The following LIN7C variants were observed in gnomAD, a reference collection of about 807,000 sequenced individuals.
The protein encoded by LIN7C is lin-7 cell polarity scaffold C.
Under a neutral mutation model 24.7 loss-of-function variants are expected in LIN7C, and 17 were observed. The ratio of observed to expected loss-of-function variants is 0.69; its 90% CI spans 0.47 to 1.03. The LOEUF (loss-of-function observed/expected upper bound fraction) is 1.03. Ranked by LOEUF, LIN7C falls within the 50% of genes least tolerant of loss-of-function variation. The probability of loss-of-function intolerance (pLI) is 0.00; values close to 1 mark genes in which losing one functional copy is unlikely to be tolerated. For missense variants in LIN7C, 204 were observed against 239.0 expected, an observed-to-expected ratio of 0.85 and a Z score of 0.97; for synonymous variants, 90 against 83.4, an observed-to-expected ratio of 1.08 and a Z score of -0.43.
In LIN7C at chr11:27,498,802, A is replaced by G. The variant is rs375795384; in HGVS notation, c.441T>C (p.Ser147=). Residue 147 remains serine, a splice_region_variant and synonymous_variant, in exon 5 of 5, where the codon AGT becomes AGC. Transcript: ENST00000278193. ...CTTTTTCATGATGTTCTCCTTCAAC[A>G]CTCTAGGGGAAAAAAAAACAACCAA... ...GDQLLSVNGV[S]VEGEHHEKAV... is the part of the protein sequence containing the mutation. The G allele has an allele frequency of 1.1e-5, 18 of 1,608,252 alleles. No individual in the cohort carries two copies. Among genetic ancestry groups the G allele is most frequent in the Admixed American group, 1.7e-5 (1 of 58,724 alleles).
At position 27,501,709 on chromosome 11, in the gene LIN7C, A is replaced by G. The variant is rs549851108; in HGVS notation, c.156+93T>C. The stretch of plus-strand genomic sequence containing the variant: ...AGAGGGACTGGTTTTAATGTTTTCT[A>G]AAGTTTTTCTTAAGAAATGTTGAAC... On this transcript the variant is annotated intron_variant, in intron 2 of 4. Coordinates refer to ENST00000278193, the MANE Select transcript of LIN7C (RefSeq NM_018362.4). 9 of 957,426 alleles carry G rather than the reference A, an allele frequency of 9.4e-6. No homozygotes were observed. In the South Asian group the frequency reaches 9.8e-5, roughly 10 times the overall value. The allele number at this position is 957,426 out of a possible 1,614,324, so 59.3% of individuals were successfully genotyped here.
In LIN7C at chr11:27,496,152, T is replaced by C. The variant is rs1308905068; in HGVS notation, c.*2497A>G. On this transcript the variant is annotated 3_prime_UTR_variant, in exon 5 of 5. Transcript: ENST00000278193. ...TGTCCTTTAGAACCACCTGGAAAGC[T>C]TTACAAAAAAAAAAAAAAGGGTGAT... is the stretch of plus-strand genomic sequence containing the variant. The C allele has an allele frequency of 6.7e-6, 1 of 149,372 alleles. No individual in the cohort carries two copies. The highest frequency in any genetic ancestry group is 2.5e-5 in the African/African-American group (1 of 40,140). The allele number at this position is 149,372 out of a possible 1,614,324, so 9.3% of individuals were successfully genotyped here. A position where few individuals can be genotyped will look rare whatever the true frequency, so the allele number is the denominator to read the frequency against.
chr11:27,499,702 A>T (rs905109061), intron 3 of LIN7C, 134 bp from the exon 4 acceptor site: 97 of 726,536 alleles, frequency 1.3e-4, no homozygotes, highest in Non-Finnish European at 2.0e-4. Context: ...GGCTCACTGC[A>T]AGCTCCACCT....
chr11:27,500,535 A>G (rs1208420586), intron 3 of LIN7C, among the ~76,000 whole-genome samples: 1 of 152,132 alleles, frequency 6.6e-6, no homozygotes, highest in African/African-American at 2.4e-5. Flanking sequence ...ATCCAAACTA[A>G]TTATAAAGTT....
chr11:27,503,367 ATTC>A (rs1201258579), intron 1 of LIN7C, among the ~76,000 whole-genome samples: 23 of 152,172 alleles, frequency 1.5e-4, no homozygotes, highest in African/African-American at 5.5e-4. Flanking sequence ...AATGCCCAGT[ATTC>A]TATTATTGCT....
At chr11:27,505,865 A>AT (rs1467587403) in intron 1 of LIN7C, among the ~76,000 whole-genome samples, 1 of 152,194 alleles carries the variant, frequency 6.6e-6, no homozygotes, top group African/African-American at 2.4e-5. Context: ...CATGCTTGAA[A>AT]TTGTTTGAAA....
chr11:27,496,247 C>T lies in LIN7C; in HGVS notation c.*2402G>A, dbSNP rs1012708561. 2 of 151,576 alleles carry T rather than the reference C, an allele frequency of 1.3e-5. No individual in the cohort carries two copies. The highest frequency in any genetic ancestry group is 4.9e-5 in the African/African-American group (2 of 41,236). The allele number at this position is 151,576 out of a possible 1,614,324, so 9.4% of individuals were successfully genotyped here. ...AAAGCTCTGCCAGGCTAATATGTAGCTAAGATTGAGAATCACTAAGTCAAC... is the reference window on the plus strand; with the variant it reads ...AAAGCTCTGCCAGGCTAATATGTAGTTAAGATTGAGAATCACTAAGTCAAC... On this transcript the variant is annotated 3_prime_UTR_variant, in exon 5 of 5. Coordinates refer to ENST00000278193, the MANE Select transcript of LIN7C (RefSeq NM_018362.4).
Position 27,497,409 on chromosome 11 carries a change from A to T in LIN7C, c.*1240T>A, listed in dbSNP as rs1865183307. On this transcript the variant is annotated 3_prime_UTR_variant, in exon 5 of 5. Coordinates refer to ENST00000278193, the MANE Select transcript of LIN7C (RefSeq NM_018362.4). Reference sequence around the variant, plus strand: ...AACCCCAACTCTTTCAGTCTTTAAGACCTCAGTCACAGTCCCACACTAATA... The same window carrying T: ...AACCCCAACTCTTTCAGTCTTTAAGTCCTCAGTCACAGTCCCACACTAATA... The T allele has an allele frequency of 6.6e-6, 1 of 152,530 alleles. No individual in the cohort carries two copies. Among genetic ancestry groups the T allele is most frequent in the Non-Finnish European group, 1.5e-5 (1 of 67,942 alleles). The allele number at this position is 152,530 out of a possible 1,614,324, so 9.4% of individuals were successfully genotyped here.
rs904275463 is a variant in LIN7C, at chr11:27,498,416, A to G, written c.*233T>C. 2.6e-6 allele frequency: 1 copy of G among 378,352 alleles called. No homozygotes were observed. The highest frequency in any genetic ancestry group is 4.6e-6 in the Non-Finnish European group (1 of 215,306). The allele number at this position is 378,352 out of a possible 1,614,324, so 23.4% of individuals were successfully genotyped here. A position where few individuals can be genotyped will look rare whatever the true frequency, so the allele number is the denominator to read the frequency against. ...ATCTGCATTTGAAAAAGGCCTGTAAAAACAGTAGGACAGAATTGCCCTCAT... is the reference window on the plus strand; with the variant it reads ...ATCTGCATTTGAAAAAGGCCTGTAAGAACAGTAGGACAGAATTGCCCTCAT... On this transcript the variant is annotated 3_prime_UTR_variant, in exon 5 of 5. Transcript: ENST00000278193.
In LIN7C at chr11:27,494,824, TACTAGCAA is replaced by T. The variant is rs1373532682; in HGVS notation, c.*3817_*3824del. ...CCTGGAATAACCTTTGAAGAAACAC[TACTAGCAA>T]ACTTTAGACAACAATTATAAAACCA... On this transcript the variant is annotated 3_prime_UTR_variant, in exon 5 of 5. Coordinates refer to ENST00000278193, the MANE Select transcript of LIN7C (RefSeq NM_018362.4). 5.3e-5 allele frequency: 8 copies of T among 152,208 alleles called. No individual in the cohort carries two copies. Among genetic ancestry groups the T allele is most frequent in the Admixed American group, 6.6e-5 (1 of 15,266 alleles). The allele number at this position is 152,208 out of a possible 1,614,324, so 9.4% of individuals were successfully genotyped here.
chr11:27,500,932 C>T (rs527616358), intron 3 of LIN7C, among the ~76,000 whole-genome samples: 2 of 152,064 alleles, frequency 1.3e-5, no homozygotes, highest in Admixed American at 6.6e-5. Flanking sequence ...TTTAAGTCAC[C>T]GACTGCTGAT....
At chr11:27,503,941 C>T (rs1865248630) in intron 1 of LIN7C, among the ~76,000 whole-genome samples, 1 of 152,056 alleles carries the variant, frequency 6.6e-6, no homozygotes, top group African/African-American at 2.4e-5. Flanking sequence ...CCTCAGTCTC[C>T]CGAGTAGCTG....
intron 1 of LIN7C, among the ~76,000 whole-genome samples, chr11:27,504,915 C>T (rs950147051): frequency 2.6e-5 from 4 of 152,164 alleles, no homozygotes; most frequent in Admixed American, 1.3e-4. Context: ...GACTGTAATT[C>T]ATCCTACTAA....
chr11:27,500,444 TTTAG>T (rs1296895311), intron 3 of LIN7C, among the ~76,000 whole-genome samples: 1 of 152,240 alleles, frequency 6.6e-6, no homozygotes, highest in Non-Finnish European at 1.5e-5. Context: ...GTTTTGTTGC[TTTAG>T]TTAACTAGAC....
intron 1 of LIN7C, among the ~76,000 whole-genome samples, chr11:27,505,969 A>T (rs1181360509): frequency 6.6e-6 from 1 of 152,114 alleles, no homozygotes; most frequent in Non-Finnish European, 1.5e-5. Flanking sequence ...ATAGCCAGTT[A>T]TTTTCGTAGG....
rs550125642 is a variant in LIN7C, at chr11:27,500,512, CA to C, written c.229-945del. ...ACAGAGCCGTATCTTCTTTAAAGCT[CA>C]ACTTTAGACTAATCCAAACTAATTA... On this transcript the variant is annotated intron_variant, in intron 3 of 4. Transcript: ENST00000278193. Among the ~76,000 whole-genome samples, 17 of 152,240 alleles carry C rather than the reference CA, an allele frequency of 1.1e-4. No individual in the cohort carries two copies. The East Asian group carries it at 3.3e-3, about 29-fold the overall frequency.
rs1376512345 is a variant in LIN7C at position 27,498,343 on chromosome 11, T to G, written c.*306A>C. 4.7e-6 allele frequency: 1 copy of G among 214,748 alleles called. No individual in the cohort carries two copies. Among genetic ancestry groups the G allele is most frequent in the Non-Finnish European group, 9.0e-6 (1 of 110,820 alleles). 13.3% of individuals were successfully genotyped at this position (214,748 alleles called of 1,614,324 possible). A position where few individuals can be genotyped will look rare whatever the true frequency, so the allele number is the denominator to read the frequency against. On this transcript the variant is annotated 3_prime_UTR_variant, in exon 5 of 5. Coordinates refer to ENST00000278193, the MANE Select transcript of LIN7C (RefSeq NM_018362.4). ...AGATTAAGAATGTAAAAGTACATTT[T>G]AATATTAAAAAAGCATTTTAAAAAA...
chr11:27,499,393 T>TTGAGGCC lies in LIN7C; in HGVS notation c.397_403dup (p.Lys135ArgfsTer12). 6.2e-7 allele frequency: 1 copy of TTGAGGCC among 1,614,160 alleles called. No homozygotes were observed. The highest frequency in any genetic ancestry group is 8.5e-7 in the Non-Finnish European group (1 of 1,180,004). On this transcript the variant is annotated frameshift_variant, in exon 4 of 5. Coordinates refer to ENST00000278193, the MANE Select transcript of LIN7C (RefSeq NM_018362.4). LOFTEE classifies it high-confidence loss of function. The stretch of plus-strand genomic sequence containing the variant: ...AACAGAGAGGAGTTGATCTCCACGT[T>TTGAGGCC]TGAGGCCCCCATGTCTATCAGCAAT...
chr11:27,504,558 T>C (rs17309825), intron 1 of LIN7C, among the ~76,000 whole-genome samples: 4,056 of 152,270 alleles, frequency 0.027, 71 homozygotes, highest in Non-Finnish European at 0.038. Flanking sequence ...CTGACTTTCT[T>C]ACCCTGCTAA....
Sources: gnomAD v4.1 joint callset for allele counts (sites outside exome capture counted in the v4.1 genomes callset) on GRCh38, gnomAD v4.1.1 for gene constraint, MANE v1.5 for transcripts, NCBI Gene and HGNC (gene_info 2026-07-23, HGNC 2026-07-21) for gene names.